Variants in F13A1 observed in about 807,000 individuals in gnomAD.
The protein encoded by F13A1 is FSF, A subunit.
Under a neutral mutation model 80.1 loss-of-function variants are expected in F13A1, and 47 were observed. The observed-to-expected ratio is 0.59, with a 90% CI of 0.46 to 0.75. The LOEUF (loss-of-function observed/expected upper bound fraction) is 0.75, where lower values mean the gene tolerates loss of function less well. F13A1 is among the 30% of genes least tolerant of loss of function. The probability of loss-of-function intolerance (pLI) is 0.00; values close to 1 mark genes in which losing one functional copy is unlikely to be tolerated. For missense variants in F13A1, 817 were observed against 930.4 expected, an observed-to-expected ratio of 0.88 and a Z score of 1.59; for synonymous variants, 349 against 344.9, an observed-to-expected ratio of 1.01 and a Z score of -0.13.
At chr6:6,290,331 T>C (rs576157558) in intron 3 of F13A1, among the ~76,000 whole-genome samples, 1 of 152,254 alleles carries the variant, frequency 6.6e-6, no homozygotes, top group South Asian at 2.1e-4. Context: ...AGACTACAAA[T>C]CTGTTCAAGT....
chr6:6,199,122 CTTCCTTAGTGCGAAGTGGTG>C (rs1761345684), intron 8 of F13A1, among the ~76,000 whole-genome samples: 2 of 152,178 alleles, frequency 1.3e-5, no homozygotes, highest in Non-Finnish European at 2.9e-5. Context: ...ACATATAACA[CTTCCTTAGTGCGAAGTGGTG>C]TTCTAAAACC....
rs548276768 is a variant in F13A1 at position 6,193,340 on chromosome 6, A to G, written c.1305+2457T>C. On this transcript the variant is annotated intron_variant, in intron 10 of 14. Transcript: ENST00000264870. ...TGGAAATGAGTAAGGAATGACCAAG[A>G]AAGTCAGCATGCTGGGAGGGAAGAG... is the stretch of plus-strand genomic sequence containing the variant. 2.0e-5 allele frequency among the ~76,000 whole-genome samples: 3 copies of G among 152,310 alleles called. No homozygotes were observed. The East Asian group carries it at 5.8e-4, about 29-fold the overall frequency.
Position 6,167,390 on chromosome 6 carries a change from A to C in F13A1, c.1908+68T>G, listed in dbSNP as rs1014064013. The C allele has an allele frequency of 5.2e-6, 8 of 1,546,420 alleles. No homozygotes were observed. In the Admixed American group the frequency reaches 1.2e-4, roughly 23 times the overall value. On this transcript the variant is annotated intron_variant, in intron 13 of 14. Transcript: ENST00000264870. The stretch of plus-strand genomic sequence containing the variant: ...CACACACACACACATACAAGCACGC[A>C]TATGCACACATGAACACTAAGTCTG...
At chr6:6,308,608 T>TG (rs1321999393) in intron 2 of F13A1, among the ~76,000 whole-genome samples, 2 of 70,280 alleles carry the variant, frequency 2.8e-5, no homozygotes, top group African/African-American at 1.2e-4. Context: ...AACACATTCT[T>TG]TTTTTTTTTT....
At chr6:6,239,487 C>T (rs1361838620) in intron 6 of F13A1, among the ~76,000 whole-genome samples, 1 of 151,990 alleles carries the variant, frequency 6.6e-6, no homozygotes, top group Non-Finnish European at 1.5e-5. Context: ...AATCCTGTAA[C>T]TAACTGTAAT....
At chr6:6,307,324 C>G (rs905278652) in intron 2 of F13A1, among the ~76,000 whole-genome samples, 7 of 152,152 alleles carry the variant, frequency 4.6e-5, no homozygotes, top group African/African-American at 1.4e-4. Flanking sequence ...TATACATGTT[C>G]CCCTGAAGGG....
At chr6:6,310,351 AAT>A (rs1488675741) in intron 2 of F13A1, among the ~76,000 whole-genome samples, 1 of 152,154 alleles carries the variant, frequency 6.6e-6, no homozygotes, top group Non-Finnish European at 1.5e-5. Flanking sequence ...CATTTTTCAG[AAT>A]ATGTTTTTGG....
At chr6:6,236,893 G>T (rs1757420939) in intron 6 of F13A1, among the ~76,000 whole-genome samples, 1 of 152,214 alleles carries the variant, frequency 6.6e-6, no homozygotes, top group South Asian at 2.1e-4. Context: ...TCGTTTCCAG[G>T]TTTTGTGAAC....
chr6:6,294,302 GA>G (rs1758282284), intron 3 of F13A1, among the ~76,000 whole-genome samples: 1 of 152,050 alleles, frequency 6.6e-6, no homozygotes, highest in African/African-American at 2.4e-5. Flanking sequence ...AAAGCAGGCA[GA>G]AAAACTTGAA....
chr6:6,245,316 G>T (rs113846949), intron 6 of F13A1, among the ~76,000 whole-genome samples: 12 of 152,032 alleles, frequency 7.9e-5, no homozygotes, highest in African/African-American at 2.7e-4. Context: ...TCTGCCTCCC[G>T]GGTTCAAGCA....
chr6:6,180,459 C>T (rs1760959511), intron 11 of F13A1, among the ~76,000 whole-genome samples: 1 of 152,236 alleles, frequency 6.6e-6, no homozygotes, highest in Non-Finnish European at 1.5e-5. Context: ...TGGTAAGAGC[C>T]AGCTGTCGTG....
chr6:6,167,672 C>T, intron 12 of F13A1, 54 bp from the exon 13 acceptor site: 1 of 1,595,164 alleles, frequency 6.3e-7, no homozygotes, highest in Non-Finnish European at 8.5e-7. Context: ...ACAGGGTCTG[C>T]TTTACTTTTC....
At chr6:6,194,797 C>T (rs1360376794) in intron 10 of F13A1, among the ~76,000 whole-genome samples, 4 of 152,204 alleles carry the variant, frequency 2.6e-5, no homozygotes, top group Non-Finnish European at 5.9e-5. Flanking sequence ...TTTGTTCCTC[C>T]TGGAGTACTA....
chr6:6,307,181 G>T (rs1394915914), intron 2 of F13A1, among the ~76,000 whole-genome samples: 1 of 152,134 alleles, frequency 6.6e-6, no homozygotes, highest in Non-Finnish European at 1.5e-5. Context: ...GGCTTACTGT[G>T]GCTCACTGCC....
At chr6:6,316,453 A>G (rs1169522818) in intron 2 of F13A1, among the ~76,000 whole-genome samples, 1 of 152,036 alleles carries the variant, frequency 6.6e-6, no homozygotes, top group African/African-American at 2.4e-5. Context: ...CTGCCAAGTA[A>G]ATAATGACTG....
At chr6:6,221,064 T>C (rs1275851265) in intron 8 of F13A1, among the ~76,000 whole-genome samples, 3 of 152,226 alleles carry the variant, frequency 2.0e-5, no homozygotes, top group Non-Finnish European at 4.4e-5. Context: ...GAAAGTGTTT[T>C]AGCTTTATTA....
intron 8 of F13A1, among the ~76,000 whole-genome samples, chr6:6,212,216 T>A (rs1761630077): frequency 6.6e-6 from 1 of 152,230 alleles, no homozygotes; most frequent in Non-Finnish European, 1.5e-5. Context: ...AGGCTCCACC[T>A]CTGGGGGCAG....
intron 13 of F13A1, among the ~76,000 whole-genome samples, chr6:6,160,768 C>T (rs6900741): frequency 0.21 from 32,139 of 151,820 alleles, 3,585 homozygotes; most frequent in Non-Finnish European, 0.24. Flanking sequence ...ACTAGAAAGT[C>T]TTTCAGCTAA....
At position 6,151,861 on chromosome 6, in the gene F13A1, A is replaced by G. The variant is rs754457627; in HGVS notation, c.1997T>C (p.Val666Ala). The G allele has an allele frequency of 1.2e-6, 2 of 1,614,090 alleles. No individual in the cohort carries two copies. The highest frequency in any genetic ancestry group is 1.7e-6 in the Non-Finnish European group (2 of 1,179,970). Residue 666 changes from valine to alanine, a missense_variant, in exon 14 of 15, where the codon GTA (valine) becomes GCA (alanine). Physicochemically the swap from Val to Ala is moderately conservative, Grantham distance 64 (BLOSUM62 0). Transcript: ENST00000264870. ...TGTTACTCCAGGACCATCCAGGTGT[A>G]CCCAGACATTTCGCAGGGTTTCTTT... is the stretch of plus-strand genomic sequence containing the variant. ...PLKETLRNVW[V>A]HLDGPGVTRP...
Sources: allele counts gnomAD v4.1 joint callset (sites outside exome capture counted in the v4.1 genomes callset), GRCh38; gene constraint gnomAD v4.1.1; transcripts MANE v1.5; gene names NCBI Gene and HGNC (gene_info 2026-07-23, HGNC 2026-07-21).